The following AGAP6 variants were observed in gnomAD, a reference collection of about 807,000 sequenced individuals.
AGAP6 encodes ArfGAP with GTPase domain, ankyrin repeat and PH domain 6.
A neutral mutation model predicts 63.9 loss-of-function variants in AGAP6; 29 were observed. That is an observed-to-expected ratio of 0.45 (90% CI 0.34 to 0.62). The LOEUF is 0.62. Ranked by LOEUF, AGAP6 falls within the 20% of genes least tolerant of loss-of-function variation. The probability of loss-of-function intolerance (pLI) is 0.01; values close to 1 mark genes in which losing one functional copy is unlikely to be tolerated. For synonymous variants in AGAP6, 199 were observed against 332.9 expected, an observed-to-expected ratio of 0.60 and a Z score of 4.38; for missense variants, 493 against 884.9, an observed-to-expected ratio of 0.56 and a Z score of 5.62.
Position 49,991,623 on chromosome 10 carries a change from A to T in AGAP6, c.293-53A>T, listed in dbSNP as rs1326286155. The T allele has an allele frequency of 5.0e-6, 8 of 1,592,900 alleles. No individual in the cohort carries two copies. The East Asian group carries it at 1.8e-4, about 36-fold the overall frequency. On this transcript the variant is annotated intron_variant, in intron 2 of 7. Transcript: ENST00000412531. ...GCAGCAGTCGAATAAACGAGTTGAT[A>T]AATTTTTATCAATGATTACATCTTT...
rs782500943 is a variant in AGAP6, at chr10:50,009,065, A to G, written c.940A>G (p.Thr314Ala). The change falls in exon 8 of 8, where the codon ACC becomes GCC. Residue 314 changes from threonine (T) to alanine (A), a missense_variant. By Grantham distance (58) the Thr-to-Ala change is moderately conservative. This residue lies in a region of AGAP6 where 342 missense variants were observed against 533.4 expected (regional missense o/e 0.64). Transcript: ENST00000412531. ...YVTLCSNGML[T>A]YYSSLGDYMK... ...CACCCTGTGTTCCAATGGCATGCTC[A>G]CCTATTATTCAAGCTTAGGTGATTA... is the stretch of plus-strand genomic sequence containing the variant. The G allele has an allele frequency of 6.2e-7, 1 of 1,613,612 alleles. No individual in the cohort carries two copies. The highest frequency in any genetic ancestry group is 8.5e-7 in the Non-Finnish European group (1 of 1,179,898).
intron 3 of AGAP6, among the ~76,000 whole-genome samples, chr10:49,992,139 A>C (rs2132120544): frequency 6.6e-6 from 1 of 151,392 alleles, no homozygotes; most frequent in African/African-American, 2.4e-5. Context: ...GTTTTCATTT[A>C]AACAAATTAA....
At chr10:49,994,256 A>C in intron 3 of AGAP6, 139 bp from the exon 4 acceptor site, 1 of 994,282 alleles carries the variant, frequency 1.0e-6, no homozygotes, top group Non-Finnish European at 1.4e-6. Context: ...AGATAATTTA[A>C]ATTATAAATT....
Position 49,993,386 on chromosome 10 carries a change from A to T in AGAP6, c.362-1009A>T, listed in dbSNP as rs189844828. Among the ~76,000 whole-genome samples the T allele has an allele frequency of 1.4e-3, 208 of 152,344 alleles. 1 individual carries two copies. Among genetic ancestry groups the T allele is most frequent in the African/African-American group, 4.6e-3 (193 of 41,566 alleles). Reference sequence around the variant, plus strand: ...ACAAGGCCCTTCCAGCATCAAAGGCAGAGGCAGTGTAGGAAGCAAAGCATG... The same window carrying T: ...ACAAGGCCCTTCCAGCATCAAAGGCTGAGGCAGTGTAGGAAGCAAAGCATG... On this transcript the variant is annotated intron_variant, in intron 3 of 7. Coordinates refer to ENST00000412531, the MANE Select transcript of AGAP6 (RefSeq NM_001077665.3).
In AGAP6 at chr10:49,991,694, C is replaced by T; in HGVS notation, c.311C>T (p.Ser104Phe). ...CATATAGCTTTGGAGTTTAACCCTTCTGCCAATCCAGAGGCAAGCACAATA... is the reference window on the plus strand; with the variant it reads ...CATATAGCTTTGGAGTTTAACCCTTTTGCCAATCCAGAGGCAAGCACAATA... ...SQTEALEFNP[S>F]ANPEASTIFQ... The change falls in exon 3 of 8, where the codon TCT becomes TTT. Residue 104 changes from serine to phenylalanine, a missense_variant. By Grantham distance (155) the Ser-to-Phe change is radical. Around this residue, in one of 7 missense-constraint regions of AGAP6, gnomAD observed 342 missense variants for 533.4 expected, o/e 0.64. Transcript: ENST00000412531. 1 of 1,598,536 alleles carries T rather than the reference C, an allele frequency of 6.3e-7. No individual in the cohort carries two copies. Among genetic ancestry groups the T allele is most frequent in the Non-Finnish European group, 8.5e-7 (1 of 1,179,694 alleles).
intron 4 of AGAP6, among the ~76,000 whole-genome samples, chr10:49,996,258 G>C (rs1554861917): frequency 2.7e-5 from 4 of 150,876 alleles, no homozygotes; most frequent in African/African-American, 9.8e-5. Context: ...TTAAAGTTTT[G>C]CTCCTGATTT....
chr10:50,008,774 T>C lies in AGAP6; in HGVS notation c.649T>C (p.Ser217Pro), dbSNP rs1227565433. The change falls in exon 8 of 8, where the codon TCC (serine) becomes CCC (proline). Residue 217 changes from serine to proline, a missense_variant. Transcript: ENST00000412531. ...TGGGAGTTTAAATAACTATTCCTCC[T>C]CCATTCCATCGACTCCCAGCACCAG... ...GGGSLNNYSS[S>P]IPSTPSTSQE... 1.3e-5 allele frequency: 21 copies of C among 1,613,974 alleles called. No individual in the cohort carries two copies. In the African/African-American group the frequency reaches 2.8e-4, roughly 22 times the overall value.
intron 4 of AGAP6, among the ~76,000 whole-genome samples, chr10:49,995,150 C>CT (rs1490105358): frequency 5.9e-5 from 9 of 151,994 alleles, no homozygotes; most frequent in African/African-American, 1.9e-4. Context: ...TTGTAGCACA[C>CT]TTTTTAATTA....
Position 50,009,650 on chromosome 10 carries a change from C to G in AGAP6, c.1525C>G (p.Leu509Val). 6.2e-7 allele frequency: 1 copy of G among 1,614,184 alleles called. No individual in the cohort carries two copies. The highest frequency in any genetic ancestry group is 1.1e-5 in the South Asian group (1 of 91,090). The change falls in exon 8 of 8, where the codon CTT becomes GTT. Residue 509 changes from leucine to valine, a missense_variant. Physicochemically the swap from Leu to Val is conservative, Grantham distance 32. Transcript: ENST00000412531. ...CIECSGIHRS[L>V]GPHLSRVRSL... ...TGAATGCTCAGGTATCCACCGCAGT[C>G]TTGGCCCCCACCTTTCCCGTGTGCG...
chr10:49,988,773 C>T lies in AGAP6; in HGVS notation c.58C>T (p.Gln20Ter), dbSNP rs1480314515. 58 of 1,596,050 alleles carry T rather than the reference C, an allele frequency of 3.6e-5. No individual in the cohort carries two copies. The South Asian group carries it at 5.6e-4, about 15-fold the overall frequency. ...TAGCGTCAGCCTCGAGTTTGACCAG[C>T]AGCAGGGGTCGGTGTGTCCCTCTGA... ...HPSVSLEFDQ[Q>*]QGSVCPSESE... Residue 20 changes from glutamine to a stop codon, truncating the protein, a stop_gained, in exon 1 of 8, where the codon CAG becomes TAG. Transcript: ENST00000412531. LOFTEE classifies it high-confidence loss of function.
At chr10:50,008,480 T>C (rs1223483029) in intron 7 of AGAP6, 2 of 622,414 alleles carry the variant, frequency 3.2e-6, no homozygotes, top group Non-Finnish European at 4.0e-6. Context: ...AATTTTTTTT[T>C]CTTTTTTTTT....
rs1554864762 is a variant in AGAP6 at position 50,009,107 on chromosome 10, A to G, written c.982A>G (p.Lys328Glu). 1.2e-6 allele frequency: 2 copies of G among 1,613,810 alleles called. No homozygotes were observed. The highest frequency in any genetic ancestry group is 1.1e-5 in the South Asian group (1 of 91,070). ...SLGDYMKNIH[K>E]KEIDLQTSTI... ...AGGTGATTATATGAAGAATATTCAT[A>G]AAAAAGAGATTGACCTTCAGACATC... The change falls in exon 8 of 8, where the codon AAA becomes GAA. Residue 328 changes from lysine (K) to glutamate (E), a missense_variant. Lys to Glu is a moderately conservative substitution (Grantham distance 56). This residue lies in a region of AGAP6 where 342 missense variants were observed against 533.4 expected (regional missense o/e 0.64). Coordinates refer to ENST00000412531, the MANE Select transcript of AGAP6 (RefSeq NM_001077665.3).
At position 50,009,057 on chromosome 10, in the gene AGAP6, G is replaced by A. The variant is rs781848750; in HGVS notation, c.932G>A (p.Gly311Asp). ...KKKYVTLCSNGMLTYYSSLGD... is the reference protein window; with the variant it reads ...KKKYVTLCSNDMLTYYSSLGD... The stretch of plus-strand genomic sequence containing the variant: ...AAATACGTCACCCTGTGTTCCAATG[G>A]CATGCTCACCTATTATTCAAGCTTA... Residue 311 changes from glycine (G) to aspartate (D), a missense_variant, in exon 8 of 8, where the codon GGC becomes GAC. This residue lies in a region of AGAP6 where 342 missense variants were observed against 533.4 expected (regional missense o/e 0.64). Coordinates refer to ENST00000412531, the MANE Select transcript of AGAP6 (RefSeq NM_001077665.3). 1.2e-6 allele frequency: 2 copies of A among 1,613,526 alleles called. No individual in the cohort carries two copies. The highest frequency in any genetic ancestry group is 1.1e-5 in the South Asian group (1 of 91,050).
chr10:49,989,586 C>T (rs61848262), intron 2 of AGAP6, among the ~76,000 whole-genome samples: 29,025 of 151,880 alleles, frequency 0.19, 3,255 homozygotes, highest in Non-Finnish European at 0.27. Flanking sequence ...GTAGCCAAAT[C>T]TCAGGACAGT....
In AGAP6 at chr10:49,999,892, A is replaced by C. The variant is rs1226218808; in HGVS notation, c.397-2104A>C. ...AGCTGCAAAAATAAACTAAACTAAA[A>C]TAAAATACTTCGGAATAGACCTAAC... On this transcript the variant is annotated intron_variant, in intron 4 of 7. Transcript: ENST00000412531. Among the ~76,000 whole-genome samples, 10 of 142,592 alleles carry C rather than the reference A, an allele frequency of 7.0e-5. 1 individual carries two copies. Among genetic ancestry groups the C allele is most frequent in the Non-Finnish European group, 1.4e-4 (9 of 66,614 alleles). The allele number at this position is 142,592 out of a possible 152,430, so 93.5% of individuals were successfully genotyped here.
chr10:49,994,207 G>T (rs71258676), intron 3 of AGAP6, among the ~76,000 whole-genome samples, 188 bp from the exon 4 acceptor site: 1 of 152,068 alleles, frequency 6.6e-6, no homozygotes, highest in Non-Finnish European at 1.5e-5. Flanking sequence ...TAAATGAAAA[G>T]CTAAGTTTTT....
chr10:50,005,349 C>T (rs1459373846), intron 6 of AGAP6, among the ~76,000 whole-genome samples: 1 of 152,180 alleles, frequency 6.6e-6, no homozygotes, highest in African/African-American at 2.4e-5. Flanking sequence ...CGGTGGCTCA[C>T]GCCTGTAATC....
Position 50,008,018 on chromosome 10 carries a change from T to A in AGAP6, c.534-7T>A. 1 of 1,611,928 alleles carries A rather than the reference T, an allele frequency of 6.2e-7. No individual in the cohort carries two copies. Among genetic ancestry groups the A allele is most frequent in the Non-Finnish European group, 8.5e-7 (1 of 1,179,830 alleles). On this transcript the variant is annotated splice_polypyrimidine_tract_variant and splice_region_variant and intron_variant, in intron 6 of 7. Coordinates refer to ENST00000412531, the MANE Select transcript of AGAP6 (RefSeq NM_001077665.3). ...TTTTTGAAGTAATGCGCTTTCTTAT[T>A]TTATAGAGATGCAGATAGAACTTTG... is the stretch of plus-strand genomic sequence containing the variant.
chr10:49,991,029 T>C (rs1256012303), intron 2 of AGAP6, among the ~76,000 whole-genome samples: 1 of 152,132 alleles, frequency 6.6e-6, no homozygotes, highest in Non-Finnish European at 1.5e-5. Flanking sequence ...AAAATGGCTC[T>C]TTATTGTCAT....
Sources: allele counts gnomAD v4.1 joint callset (sites outside exome capture counted in the v4.1 genomes callset), GRCh38; gene constraint gnomAD v4.1.1; regional missense constraint gnomAD v4.1.1; transcripts MANE v1.5; gene names NCBI Gene and HGNC (gene_info 2026-07-23, HGNC 2026-07-21).